Variants in GMDS observed in about 807,000 individuals in gnomAD.
GMDS encodes the protein GDP-mannose 4,6-dehydratase.
A neutral mutation model predicts 49.9 loss-of-function variants in GMDS; 20 were observed. The observed-to-expected ratio is 0.40, with a 90% CI of 0.28 to 0.58. The LOEUF is 0.58. Among genes scored for constraint, GMDS ranks in the 20% least tolerant of loss-of-function variants. The pLI is 0.42. For synonymous variants in GMDS, 177 were observed against 178.6 expected (o/e 0.99, Z 0.07); for missense variants, 362 against 481.4 (o/e 0.75, Z 2.32).
chr6:2,209,083 C>T (rs1218181858), intron 1 of GMDS, among the ~76,000 whole-genome samples: 1 of 151,870 alleles, frequency 6.6e-6, no homozygotes, highest in African/African-American at 2.4e-5. Context: ...CAGGGCATTG[C>T]AAAATAAAAA....
At chr6:1,867,217 A>G (rs1339402464) in intron 7 of GMDS, among the ~76,000 whole-genome samples, 1 of 152,246 alleles carries the variant, frequency 6.6e-6, no homozygotes, top group African/African-American at 2.4e-5. Flanking sequence ...ATGTTCACAT[A>G]CTGCATATTC....
At chr6:2,025,023 G>C (rs796745263) in intron 4 of GMDS, among the ~76,000 whole-genome samples, 39 of 151,872 alleles carry the variant, frequency 2.6e-4, no homozygotes, top group African/African-American at 9.4e-4. Context: ...TCCACCAAAA[G>C]GATATGATAA....
intron 4 of GMDS, among the ~76,000 whole-genome samples, chr6:1,965,020 C>A (rs1462761389): frequency 6.6e-6 from 1 of 151,318 alleles, no homozygotes; most frequent in African/African-American, 2.4e-5. Context: ...TTTATGGCTG[C>A]ATAGTATTCC....
At chr6:1,888,137 T>TTA (rs1554130175) in intron 7 of GMDS, among the ~76,000 whole-genome samples, 24 of 118,016 alleles carry the variant, frequency 2.0e-4, no homozygotes, top group East Asian at 4.4e-4. Context: ...TATTATTATT[T>TTA]TTTTTTTTTT....
intron 9 of GMDS, among the ~76,000 whole-genome samples, chr6:1,715,689 T>C (rs2113407071): frequency 6.6e-6 from 1 of 152,338 alleles, no homozygotes; most frequent in East Asian, 1.9e-4. Context: ...AAGGAGAGGT[T>C]AGGAGCTTCT....
chr6:1,852,800 G>A (rs1191294495), intron 7 of GMDS, among the ~76,000 whole-genome samples: 2 of 150,710 alleles, frequency 1.3e-5, no homozygotes, highest in African/African-American at 2.4e-5. Context: ...TCTGCCTTCC[G>A]GGTTCAAGCG....
intron 7 of GMDS, among the ~76,000 whole-genome samples, chr6:1,758,762 C>A (rs1404842859): frequency 6.6e-6 from 1 of 152,182 alleles, no homozygotes; most frequent in Non-Finnish European, 1.5e-5. Context: ...AAGCTCCAGC[C>A]CCACTATTCA....
intron 1 of GMDS, among the ~76,000 whole-genome samples, chr6:2,155,609 A>G (rs1242474125): frequency 1.3e-5 from 2 of 152,284 alleles, no homozygotes; most frequent in Non-Finnish European, 2.9e-5. Context: ...AGCAGCAGAT[A>G]AGAATATAAT....
intron 9 of GMDS, among the ~76,000 whole-genome samples, chr6:1,636,833 C>T (rs539792533): frequency 4.7e-4 from 71 of 152,324 alleles, no homozygotes; most frequent in African/African-American, 1.5e-3. Flanking sequence ...ATGGGAATGG[C>T]GTGGAAGGCA....
At chr6:2,170,237 G>A (rs1251096721) in intron 1 of GMDS, among the ~76,000 whole-genome samples, 2 of 151,756 alleles carry the variant, frequency 1.3e-5, no homozygotes, top group Non-Finnish European at 2.9e-5. Context: ...AAGAAAACAG[G>A]ATTCGACTTT....
chr6:1,667,985 C>T (rs977193592), intron 9 of GMDS, among the ~76,000 whole-genome samples: 6 of 152,128 alleles, frequency 3.9e-5, no homozygotes, highest in Admixed American at 6.5e-5. Context: ...GGCTGACATC[C>T]CGGGAGTCTG....
intron 9 of GMDS, among the ~76,000 whole-genome samples, chr6:1,724,430 T>C (rs899182099): frequency 1.3e-5 from 2 of 152,188 alleles, no homozygotes. Flanking sequence ...GTTCAGTGAA[T>C]TCTTTTGTTC....
At chr6:1,850,759 G>A (rs1477640945) in intron 7 of GMDS, among the ~76,000 whole-genome samples, 3 of 152,186 alleles carry the variant, frequency 2.0e-5, no homozygotes, top group East Asian at 3.9e-4. Context: ...TCAATGATAC[G>A]TTATTGGATC....
intron 4 of GMDS, among the ~76,000 whole-genome samples, chr6:2,013,349 T>A (rs1767682512): frequency 6.6e-6 from 1 of 152,122 alleles, no homozygotes; most frequent in African/African-American, 2.4e-5. Flanking sequence ...ACTAAAAGCT[T>A]ACTATCTCAG....
At chr6:2,172,206 G>A (rs1023263156) in intron 1 of GMDS, among the ~76,000 whole-genome samples, 2 of 152,034 alleles carry the variant, frequency 1.3e-5, no homozygotes, top group African/African-American at 4.8e-5. Context: ...TCAGATTGAG[G>A]AGAAAAAATG....
At chr6:2,170,704 T>C (rs1343194157) in intron 1 of GMDS, among the ~76,000 whole-genome samples, 1 of 151,362 alleles carries the variant, frequency 6.6e-6, no homozygotes, top group East Asian at 1.9e-4. Context: ...AAGTTAAAAC[T>C]CTAAAAACAG....
intron 9 of GMDS, among the ~76,000 whole-genome samples, chr6:1,700,645 G>C (rs921966516): frequency 1.3e-5 from 2 of 152,202 alleles, no homozygotes; most frequent in African/African-American, 4.8e-5. Flanking sequence ...ACTGATTTGA[G>C]GAGAGAGATG....
chr6:2,115,859 T>C lies in GMDS; in HGVS notation c.257A>G (p.Asp86Gly). 1 of 1,599,012 alleles carries C rather than the reference T, an allele frequency of 6.3e-7. No homozygotes were observed. Among genetic ancestry groups the C allele is most frequent in the Non-Finnish European group, 8.6e-7 (1 of 1,166,594 alleles). ...CACAAGGCAGGTACTGTCAGTGAGA[T>C]CGCCATAGTGCAACTTCATGTCTTC... ...IEGNMKLHYG[D>G]LTDSTCLVKI... Residue 86 changes from aspartate to glycine, a missense_variant, in exon 4 of 11, where the codon GAT (aspartate) becomes GGT (glycine). Coordinates refer to ENST00000380815, the MANE Select transcript of GMDS (RefSeq NM_001500.4).
chr6:1,993,530 T>G (rs1261022425), intron 4 of GMDS, among the ~76,000 whole-genome samples: 1 of 151,822 alleles, frequency 6.6e-6, no homozygotes, highest in Non-Finnish European at 1.5e-5. Context: ...AAAAAGAAAA[T>G]CTTACTACGG....
Sources: allele counts gnomAD v4.1 joint callset (sites outside exome capture counted in the v4.1 genomes callset), GRCh38; gene constraint gnomAD v4.1.1; transcripts MANE v1.5; gene names NCBI Gene and HGNC (gene_info 2026-07-23, HGNC 2026-07-21).